Variants in ERBIN observed in about 807,000 individuals in gnomAD.
ERBIN encodes erbb2 interacting protein.
In ERBIN, 60 loss-of-function variants were observed where a neutral mutation model predicts 158.4. The observed-to-expected ratio is 0.38, with a 90% confidence interval of 0.31 to 0.47. The LOEUF is 0.47. ERBIN is among the 20% of genes least tolerant of loss of function. The pLI, the probability that ERBIN is intolerant of heterozygous loss-of-function variation, is 0.99. For synonymous variants in ERBIN, 594 were observed against 557.2 expected (o/e 1.07, Z -0.93); for missense variants, 1,610 against 1,648.0 (o/e 0.98, Z 0.40).
chr5:66,057,166 C>T (rs979701362), intron 21 of ERBIN, among the ~76,000 whole-genome samples: 1 of 152,054 alleles, frequency 6.6e-6, no homozygotes, highest in Non-Finnish European at 1.5e-5. Flanking sequence ...TTAACAGTTC[C>T]GAATCCTAGC....
intron 21 of ERBIN, chr5:66,068,791 T>C: frequency 8.2e-7 from 1 of 1,220,246 alleles, no homozygotes; most frequent in Non-Finnish European, 1.1e-6. Context: ...TTGGGGTTAC[T>C]TGTAAATAAG....
chr5:66,020,214 G>T (rs80321845), intron 7 of ERBIN, among the ~76,000 whole-genome samples: 11,980 of 151,996 alleles, frequency 0.079, 583 homozygotes, highest in African/African-American at 0.14. Context: ...GGGAAAATTC[G>T]CTTCTAATGT....
intron 1 of ERBIN, among the ~76,000 whole-genome samples, chr5:65,960,616 C>T (rs1189725674): frequency 6.6e-6 from 1 of 152,124 alleles, no homozygotes; most frequent in Non-Finnish European, 1.5e-5. Flanking sequence ...GATGCTTTTG[C>T]CCTTGGATGT....
intron 1 of ERBIN, among the ~76,000 whole-genome samples, chr5:65,942,100 A>C (rs998971107): frequency 1.4e-4 from 22 of 152,326 alleles, no homozygotes; most frequent in African/African-American, 5.1e-4. Context: ...GTTCCCCAGA[A>C]TACTGATGTT....
chr5:65,977,946 G>C (rs1374591609), intron 1 of ERBIN, among the ~76,000 whole-genome samples: 1 of 142,558 alleles, frequency 7.0e-6, no homozygotes, highest in Non-Finnish European at 1.5e-5. Context: ...CTCGCGGTTA[G>C]GGAGAGGGTT....
chr5:66,055,593 T>G (rs1344331325), intron 21 of ERBIN, among the ~76,000 whole-genome samples: 1 of 152,122 alleles, frequency 6.6e-6, no homozygotes, highest in Non-Finnish European at 1.5e-5. Context: ...TGAAAGGAGT[T>G]AAAAATGTAG....
At chr5:65,950,391 TG>T (rs1746357438) in intron 1 of ERBIN, among the ~76,000 whole-genome samples, 1 of 152,258 alleles carries the variant, frequency 6.6e-6, no homozygotes, top group Non-Finnish European at 1.5e-5. Context: ...TTTTGTAGAA[TG>T]TTTCTAAGTT....
chr5:65,969,387 C>T (rs575148528), intron 1 of ERBIN, among the ~76,000 whole-genome samples: 1 of 152,288 alleles, frequency 6.6e-6, no homozygotes, highest in Admixed American at 6.5e-5. Context: ...CAAGTAAAGC[C>T]ACTCAATATG....
chr5:65,939,807 C>G (rs1180646632), intron 1 of ERBIN, among the ~76,000 whole-genome samples: 1 of 152,266 alleles, frequency 6.6e-6, no homozygotes, highest in African/African-American at 2.4e-5. Context: ...CCTCGGCCTC[C>G]CGAGGTGCCG....
chr5:66,065,525 A>G (rs576874485), intron 21 of ERBIN, among the ~76,000 whole-genome samples: 27 of 151,520 alleles, frequency 1.8e-4, no homozygotes, highest in South Asian at 4.2e-4. Flanking sequence ...AAACTTTACT[A>G]TATGGGGTCT....
At chr5:65,965,662 G>A (rs1748523834) in intron 1 of ERBIN, among the ~76,000 whole-genome samples, 1 of 152,024 alleles carries the variant, frequency 6.6e-6, no homozygotes, top group South Asian at 2.1e-4. Flanking sequence ...CGAAGTGCTG[G>A]GATTACAGGT....
At chr5:66,010,162 T>TA (rs1754056149) in intron 4 of ERBIN, among the ~76,000 whole-genome samples, 1 of 152,202 alleles carries the variant, frequency 6.6e-6, no homozygotes, top group Admixed American at 6.5e-5. Context: ...ATTACTTCCT[T>TA]AGTCTTCCTT....
chr5:66,018,818 G>A (rs940066732), intron 7 of ERBIN, among the ~76,000 whole-genome samples: 1 of 150,054 alleles, frequency 6.7e-6, no homozygotes, highest in Admixed American at 6.8e-5. Context: ...TGTATTTTTA[G>A]TAGAGACAGG....
chr5:65,944,544 A>G (rs1005761661), intron 1 of ERBIN, among the ~76,000 whole-genome samples: 10 of 152,082 alleles, frequency 6.6e-5, no homozygotes, highest in African/African-American at 1.9e-4. Context: ...AGCTGGGACT[A>G]TAGGCATGTG....
At chr5:65,975,172 T>G (rs949231237) in intron 1 of ERBIN, among the ~76,000 whole-genome samples, 2 of 152,148 alleles carry the variant, frequency 1.3e-5, no homozygotes, top group Non-Finnish European at 1.5e-5. Context: ...GATGCCCAGC[T>G]GATTTTTGTA....
At chr5:66,065,744 T>C (rs1185596364) in intron 21 of ERBIN, among the ~76,000 whole-genome samples, 3 of 151,840 alleles carry the variant, frequency 2.0e-5, no homozygotes, top group Non-Finnish European at 2.9e-5. Flanking sequence ...AATTAAGTAA[T>C]TTTCCCAGGA....
At chr5:66,017,006 T>A (rs1754816958) in intron 7 of ERBIN, among the ~76,000 whole-genome samples, 1 of 152,076 alleles carries the variant, frequency 6.6e-6, no homozygotes, top group South Asian at 2.1e-4. Context: ...AATGACCTCC[T>A]GATCAACCCA....
chr5:66,020,241 C>G (rs1172167224), intron 7 of ERBIN, among the ~76,000 whole-genome samples: 2 of 151,978 alleles, frequency 1.3e-5, no homozygotes, highest in Admixed American at 6.6e-5. Flanking sequence ...ATGACAGTTT[C>G]ATTACAATGA....
intron 4 of ERBIN, among the ~76,000 whole-genome samples, chr5:65,998,383 C>T (rs987242937): frequency 7.3e-5 from 11 of 151,526 alleles, no homozygotes; most frequent in African/African-American, 2.7e-4. Context: ...TTATGTTCAT[C>T]CTAGGTTAAG....
Sources: gnomAD v4.1 joint callset for allele counts (sites outside exome capture counted in the v4.1 genomes callset) on GRCh38, gnomAD v4.1.1 for gene constraint, MANE v1.5 for transcripts, NCBI Gene and HGNC (gene_info 2026-07-23, HGNC 2026-07-21) for gene names.